CSMD3: variants seen among roughly 807,000 people sequenced by gnomAD.
CSMD3 encodes the protein CUB and sushi domain-containing protein 3.
A neutral mutation model predicts 435.2 loss-of-function variants in CSMD3; 177 were observed. The observed-to-expected ratio is 0.41, with a 90% confidence interval of 0.36 to 0.46. CSMD3 has a LOEUF of 0.46. Ranked by LOEUF, CSMD3 falls within the 20% of genes least tolerant of loss-of-function variation. The pLI, the probability that CSMD3 is intolerant of heterozygous loss-of-function variation, is 0.34. For missense variants in CSMD3, 4,265 were observed against 4,504.6 expected (o/e 0.95, Z 1.52); for synonymous variants, 1,656 against 1,520.5 (o/e 1.09, Z -2.07).
At chr8:113,085,218 C>T (rs1604848) in intron 5 of CSMD3, among the ~76,000 whole-genome samples, 101,595 of 151,190 alleles carry the variant, frequency 0.67, 35,732 homozygotes, top group East Asian at 0.95. Flanking sequence ...TCAGAATATA[C>T]AAAAAATTCA....
intron 10 of CSMD3, among the ~76,000 whole-genome samples, chr8:112,874,083 T>C (rs2081210911): frequency 6.6e-6 from 1 of 152,162 alleles, no homozygotes. Flanking sequence ...GCTTTAGCTG[T>C]GTCTCAGAGA....
chr8:112,772,967 A>G (rs1340834988), intron 13 of CSMD3, among the ~76,000 whole-genome samples: 1 of 151,984 alleles, frequency 6.6e-6, no homozygotes, highest in Non-Finnish European at 1.5e-5. Context: ...GATAATGATC[A>G]ATAAATACTA....
intron 53 of CSMD3, among the ~76,000 whole-genome samples, chr8:112,300,056 T>C (rs1820761952): frequency 6.7e-6 from 1 of 149,578 alleles, no homozygotes; most frequent in African/African-American, 2.4e-5. Flanking sequence ...TTTATATGTA[T>C]ATTTAAAATG....
At chr8:112,408,516 A>G (rs1832056433) in intron 33 of CSMD3, 103 bp from the exon 34 acceptor site, 3 of 814,198 alleles carry the variant, frequency 3.7e-6, no homozygotes, top group South Asian at 2.8e-5. Flanking sequence ...ATGTCAATCT[A>G]TGTTCTATCA....
intron 27 of CSMD3, among the ~76,000 whole-genome samples, chr8:112,532,902 T>C (rs1382142001): frequency 6.6e-6 from 1 of 152,040 alleles, no homozygotes; most frequent in African/African-American, 2.4e-5. Context: ...TCTTAGGAGA[T>C]AGACAATATG....
At chr8:113,058,529 T>C (rs1043798370) in intron 5 of CSMD3, among the ~76,000 whole-genome samples, 3 of 151,948 alleles carry the variant, frequency 2.0e-5, no homozygotes, top group East Asian at 1.9e-4. Context: ...CTGGTATTGA[T>C]ACATGACATG....
chr8:112,825,135 G>T (rs1016919111), intron 12 of CSMD3, among the ~76,000 whole-genome samples: 16 of 152,088 alleles, frequency 1.1e-4, no homozygotes, highest in Non-Finnish European at 2.1e-4. Flanking sequence ...AAGTTCTCCT[G>T]CTGTGTTTTT....
chr8:112,924,455 T>C (rs1057118185), intron 9 of CSMD3, among the ~76,000 whole-genome samples: 2 of 152,106 alleles, frequency 1.3e-5, no homozygotes, highest in Non-Finnish European at 2.9e-5. Context: ...ATGGTTACCA[T>C]ATTTGTCACA....
At chr8:112,959,075 A>G (rs2084136549) in intron 7 of CSMD3, among the ~76,000 whole-genome samples, 2 of 152,144 alleles carry the variant, frequency 1.3e-5, no homozygotes, top group African/African-American at 4.8e-5. Flanking sequence ...CAAAAGTTAC[A>G]TATCTGAAAT....
intron 27 of CSMD3, among the ~76,000 whole-genome samples, chr8:112,530,735 G>A (rs528113153): frequency 1.4e-4 from 21 of 152,302 alleles, no homozygotes; most frequent in Non-Finnish European, 2.6e-4. Flanking sequence ...TTAGAAGTCC[G>A]TGTTGATCCT....
At chr8:113,216,637 T>C (rs1040283102) in intron 3 of CSMD3, among the ~76,000 whole-genome samples, 3 of 152,066 alleles carry the variant, frequency 2.0e-5, no homozygotes, top group Admixed American at 6.6e-5. Flanking sequence ...CAGGATTGAA[T>C]GACAAAGTAT....
intron 27 of CSMD3, among the ~76,000 whole-genome samples, chr8:112,525,445 G>A (rs981323654): frequency 6.6e-6 from 1 of 150,484 alleles, no homozygotes; most frequent in Non-Finnish European, 1.5e-5. Context: ...AAAAGGCCGG[G>A]AGCAGTGGCT....
Position 113,386,933 on chromosome 8 carries a change from C to G in CSMD3, c.178+49744G>C, listed in dbSNP as rs114798157. On this transcript the variant is annotated intron_variant, in intron 1 of 70. Transcript: ENST00000297405. ...GAAAGAGTGGCATGAAAGAAGAGAG[C>G]TTCCCGCAATGGCAATATAAAGCAT... Among the ~76,000 whole-genome samples the G allele has an allele frequency of 3.8e-3, 570 of 151,788 alleles. 4 individuals carry two copies. The highest frequency in any genetic ancestry group is 0.013 in the African/African-American group (525 of 41,444).
At chr8:113,086,691 T>C (rs1239343178) in intron 5 of CSMD3, among the ~76,000 whole-genome samples, 1 of 152,160 alleles carries the variant, frequency 6.6e-6, no homozygotes, top group Non-Finnish European at 1.5e-5. Flanking sequence ...AATATGAGCA[T>C]TTGCAAAAGA....
chr8:112,287,311 C>T (rs2130638911), intron 57 of CSMD3, 65 bp from the exon 58 acceptor site: 1 of 1,504,802 alleles, frequency 6.6e-7, no homozygotes. Context: ...ACCAGTTAGT[C>T]CAAGGGCCTG....
At chr8:112,748,092 A>T (rs1211144759) in intron 13 of CSMD3, among the ~76,000 whole-genome samples, 1 of 151,798 alleles carries the variant, frequency 6.6e-6, no homozygotes, top group African/African-American at 2.4e-5. Context: ...TAGCTTTGGT[A>T]GGAGTATTAT....
intron 10 of CSMD3, among the ~76,000 whole-genome samples, chr8:112,906,894 G>C (rs77080550): frequency 3.0e-4 from 46 of 151,622 alleles, no homozygotes; most frequent in African/African-American, 1.1e-3. Flanking sequence ...GTTAATGTGT[G>C]AATGAATTGT....
intron 12 of CSMD3, among the ~76,000 whole-genome samples, chr8:112,822,058 T>C (rs1291416013): frequency 1.3e-5 from 2 of 152,174 alleles, no homozygotes; most frequent in African/African-American, 2.4e-5. Flanking sequence ...TGTAGCCTTG[T>C]AGTATAGTTT....
intron 3 of CSMD3, among the ~76,000 whole-genome samples, chr8:113,209,219 T>C (rs2092804548): frequency 6.6e-6 from 1 of 152,162 alleles, no homozygotes; most frequent in African/African-American, 2.4e-5. Flanking sequence ...TCACCTACAC[T>C]GAAGCAGGCA....
Sources: gnomAD v4.1 joint callset for allele counts (sites outside exome capture counted in the v4.1 genomes callset) on GRCh38, gnomAD v4.1.1 for gene constraint, MANE v1.5 for transcripts, NCBI Gene and HGNC (gene_info 2026-07-23, HGNC 2026-07-21) for gene names.